Variants in FANCB observed in about 807,000 individuals in gnomAD.
FANCB encodes the protein FA complementation group B, also known as Fanconi anemia group B protein.
A neutral mutation model predicts 38.9 loss-of-function variants in FANCB; 5 were observed. That is an observed-to-expected ratio of 0.13 (90% CI 0.07 to 0.27). The LOEUF (loss-of-function observed/expected upper bound fraction) is 0.27. FANCB is among the 10% of genes least tolerant of loss of function. The pLI is 1.00. For synonymous variants in FANCB, 236 were observed against 215.4 expected (o/e 1.10, Z -0.84); for missense variants, 573 against 602.7 (o/e 0.95, Z 0.52).
At chrX:14,727,867 C>G in the FANCB span, among the ~76,000 whole-genome samples, 1 of 111,514 alleles carries the variant, frequency 9.0e-6, no homozygotes, top group Non-Finnish European at 1.9e-5. Flanking sequence ...TCTGAAAGTT[C>G]CATGCAGATA....
intron 9 of FANCB, 78 bp from the exon 10 acceptor site, chrX:14,844,059 CAATT>C (rs1415314780): frequency 1.3e-6 from 1 of 799,558 alleles, no homozygotes; most frequent in East Asian, 3.2e-5. Flanking sequence ...CTGCAGTAAT[CAATT>C]AATATTCATT....
chrX:14,857,956 TAATAAATA>T lies in FANCB; in HGVS notation c.1105-10_1105-3del, dbSNP rs398123537. 76 of 1,066,049 alleles carry T rather than the reference TAATAAATA, an allele frequency of 7.1e-5. No homozygotes were observed. The African/African-American group carries it at 9.6e-4, about 14-fold the overall frequency. The allele number at this position is 1,066,049 out of a possible 1,213,427, so 87.9% of individuals were successfully genotyped here. A position where few individuals can be genotyped will look rare whatever the true frequency, so the allele number is the denominator to read the frequency against. On this transcript the variant is annotated splice_polypyrimidine_tract_variant and splice_region_variant and intron_variant, in intron 4 of 9. Transcript: ENST00000650831. ...TTCATTGCAATCTGATGGTTCACTC[TAATAAATA>T]AATAAATAAATAAATACACTAAGAC...
chrX:14,708,143 T>G, the FANCB span, among the ~76,000 whole-genome samples: 1 of 111,567 alleles, frequency 9.0e-6, no homozygotes, highest in Admixed American at 9.5e-5. Flanking sequence ...AACTGAAACT[T>G]TGTATCCCTT....
the FANCB span, among the ~76,000 whole-genome samples, chrX:14,797,935 A>G: frequency 9.1e-6 from 1 of 110,460 alleles, no homozygotes; most frequent in East Asian, 2.8e-4. Flanking sequence ...TGTTTCCTCT[A>G]TCATATGCAT....
At chrX:14,697,520 A>T in the FANCB span, among the ~76,000 whole-genome samples, 1 of 111,792 alleles carries the variant, frequency 8.9e-6, no homozygotes, top group East Asian at 2.8e-4. Context: ...TATGTTCCAG[A>T]TGCAGTGTCA....
the FANCB span, among the ~76,000 whole-genome samples, chrX:14,761,291 C>A: frequency 1.1e-4 from 12 of 111,213 alleles, no homozygotes; most frequent in Non-Finnish European, 3.8e-5. Flanking sequence ...GCATGAGCTA[C>A]CATGCCCCAC....
chrX:14,717,329 TCTTCA>T, the FANCB span, among the ~76,000 whole-genome samples: 2 of 100,037 alleles, frequency 2.0e-5, no homozygotes, highest in Non-Finnish European at 4.1e-5. Flanking sequence ...TCTGCCAATT[TCTTCA>T]CTTAAGAAAG....
the FANCB span, among the ~76,000 whole-genome samples, chrX:14,697,354 G>A: frequency 8.9e-6 from 1 of 111,860 alleles, no homozygotes; most frequent in Non-Finnish European, 1.9e-5. Context: ...AAGTGGAAAC[G>A]GGTTTGGTTG....
At chrX:14,812,270 C>T in the FANCB span, among the ~76,000 whole-genome samples, 1,432 of 110,390 alleles carry the variant, frequency 0.013, 25 homozygotes, top group African/African-American at 0.038. Context: ...AAAGCAAGAG[C>T]AAACACATTC....
At chrX:14,696,931 T>C in the FANCB span, among the ~76,000 whole-genome samples, 1 of 111,152 alleles carries the variant, frequency 9.0e-6, no homozygotes, top group Non-Finnish European at 1.9e-5. Flanking sequence ...TTGGGGGGAG[T>C]TGAAGAGCAA....
In FANCB at chrX:14,850,626, T is replaced by C; in HGVS notation, c.1375A>G (p.Ile459Val). The C allele has an allele frequency of 3.4e-6, 4 of 1,192,917 alleles. No homozygotes were observed. Among genetic ancestry groups the C allele is most frequent in the Non-Finnish European group, 4.5e-6 (4 of 879,488 alleles). Residue 459 changes from isoleucine to valine, a missense_variant, in exon 7 of 10, where the codon ATC becomes GTC. Transcript: ENST00000650831. ...TTGTCTGATAACTTTTCATCTAAGA[T>C]ATGGACAGAATTTTCTTCTTCACCA... Reference protein sequence around the residue: ...LCGEEENSVHILDEKLSDNFQ... With the variant: ...LCGEEENSVHVLDEKLSDNFQ...
At chrX:14,832,757 G>C (rs6628545), downstream of FANCB, among the ~76,000 whole-genome samples, 9 of 111,924 alleles carry the variant, frequency 8.0e-5, no homozygotes, top group East Asian at 2.0e-3. Flanking sequence ...GTGTATCTTG[G>C]AAGTGTTTCA....
chrX:14,866,218 T>C (rs2092469323), intron 2 of FANCB, among the ~76,000 whole-genome samples: 1 of 112,173 alleles, frequency 8.9e-6, no homozygotes, highest in Admixed American at 9.4e-5. Flanking sequence ...AATGCATTTG[T>C]ATGCATTTGT....
Position 14,872,976 on chromosome X carries a change from C to T in FANCB, c.-192+10G>A, listed in dbSNP as rs1437738842. On this transcript the variant is annotated intron_variant, in intron 1 of 9. Transcript: ENST00000650831. ...TCCTGGGAAGGGAAGACTCGCCAGC[C>T]CCATCCTACCTCAACGCAGCGGCAA... 1 of 118,349 alleles carries T rather than the reference C, an allele frequency of 8.4e-6. No individual in the cohort carries two copies. The allele number at this position is 118,349 out of a possible 1,213,427, so 9.8% of individuals were successfully genotyped here. A position where few individuals can be genotyped will look rare whatever the true frequency, so the allele number is the denominator to read the frequency against.
chrX:14,798,277 C>T, the FANCB span, among the ~76,000 whole-genome samples: 2 of 110,426 alleles, frequency 1.8e-5, no homozygotes, highest in Non-Finnish European at 3.8e-5. Context: ...ATTCTCTTGC[C>T]TCAGCCTCCC....
At chrX:14,704,094 C>CT in the FANCB span, among the ~76,000 whole-genome samples, 5 of 112,039 alleles carry the variant, frequency 4.5e-5, no homozygotes, top group Middle Eastern at 4.6e-3. Context: ...TTCTGGAGGA[C>CT]TTTTTGTGCC....
chrX:14,720,527 T>C, the FANCB span, among the ~76,000 whole-genome samples: 2 of 111,101 alleles, frequency 1.8e-5, no homozygotes, highest in Admixed American at 9.6e-5. Flanking sequence ...CATTCAAAAA[T>C]AGGGGGAACA....
chrX:14,751,343 G>A, the FANCB span, among the ~76,000 whole-genome samples: 1 of 112,262 alleles, frequency 8.9e-6, no homozygotes, highest in Non-Finnish European at 1.9e-5. Context: ...GCACCAATAT[G>A]GATGAATCTC....
chrX:14,758,830 C>T, the FANCB span, among the ~76,000 whole-genome samples: 35 of 111,333 alleles, frequency 3.1e-4, no homozygotes, highest in East Asian at 9.6e-3. Context: ...TTAGCACCCC[C>T]AAAAGATCAT....
Sources: allele counts gnomAD v4.1 joint callset (sites outside exome capture counted in the v4.1 genomes callset), GRCh38; gene constraint gnomAD v4.1.1; transcripts MANE v1.5; gene names NCBI Gene and HGNC (gene_info 2026-07-23, HGNC 2026-07-21).